Variants in TASOR observed in about 807,000 individuals in gnomAD.
TASOR encodes the protein protein TASOR.
A neutral mutation model predicts 178.6 loss-of-function variants in TASOR; 53 were observed. The observed-to-expected ratio is 0.30, with a 90% CI of 0.24 to 0.37. The LOEUF (loss-of-function observed/expected upper bound fraction) is 0.37. Ranked by LOEUF, TASOR falls within the 10% of genes least tolerant of loss-of-function variation. TASOR has a pLI of 1.00. For missense variants in TASOR, 1,815 were observed against 1,971.4 expected (o/e 0.92, Z 1.50); for synonymous variants, 713 against 696.2 (o/e 1.02, Z -0.38).
intron 5 of TASOR, among the ~76,000 whole-genome samples, 157 bp downstream of exon 5, chr3:56,669,543 A>G (rs1479475431): frequency 2.0e-5 from 3 of 152,150 alleles, no homozygotes; most frequent in Admixed American, 2.0e-4. Context: ...CACACACAAA[A>G]AAAGATGGCA....
At chr3:56,674,224 A>AG (rs1183984513) in intron 1 of TASOR, among the ~76,000 whole-genome samples, 83 of 138,696 alleles carry the variant, frequency 6.0e-4, no homozygotes, top group African/African-American at 9.2e-4. Context: ...AAAAAAAAAA[A>AG]GCTTGGTGGC....
chr3:56,676,468 CTG>C (rs1297797113), intron 1 of TASOR, among the ~76,000 whole-genome samples: 1 of 152,170 alleles, frequency 6.6e-6, no homozygotes. Context: ...CCCAATTAAA[CTG>C]TGAAAAACTT....
intron 14 of TASOR, among the ~76,000 whole-genome samples, chr3:56,646,205 T>A (rs953650172): frequency 1.3e-5 from 2 of 152,186 alleles, no homozygotes; most frequent in Admixed American, 6.5e-5. Context: ...TTATGTCATG[T>A]TAACCTAAAC....
At chr3:56,631,658 A>G (rs1452990373) in intron 18 of TASOR, among the ~76,000 whole-genome samples, 3 of 145,680 alleles carry the variant, frequency 2.1e-5, no homozygotes, top group Admixed American at 1.4e-4. Context: ...ATCTCGGCTC[A>G]CTGCAAGCTC....
chr3:56,623,660 G>C (rs1372442507), intron 23 of TASOR, 94 bp from the exon 24 acceptor site: 35 of 1,542,616 alleles, frequency 2.3e-5, no homozygotes, highest in Non-Finnish European at 3.0e-5. Context: ...TAACGCGTCA[G>C]GGTCTGCAAG....
In TASOR at chr3:56,647,232, A is replaced by C; in HGVS notation, c.1514-9T>G. On this transcript the variant is annotated splice_polypyrimidine_tract_variant and intron_variant, in intron 13 of 23. Coordinates refer to ENST00000683822, the MANE Select transcript of TASOR (RefSeq NM_001365635.2). ...GGTTGAACCTTTTTGTGCTGTAAAT[A>C]AAACAAACAAACAAAAAAGCAAACC... 6.6e-7 allele frequency: 1 copy of C among 1,515,816 alleles called. No homozygotes were observed. Among genetic ancestry groups the C allele is most frequent in the Non-Finnish European group, 8.8e-7 (1 of 1,138,864 alleles). 93.9% of individuals were successfully genotyped at this position (1,515,816 alleles called of 1,614,324 possible).
Position 56,621,633 on chromosome 3 carries a change from A to T in TASOR, c.*1404T>A, listed in dbSNP as rs781231762. 1.2e-5 allele frequency: 18 copies of T among 1,547,102 alleles called. No individual in the cohort carries two copies. The highest frequency in any genetic ancestry group is 8.2e-5 in the African/African-American group (6 of 72,952). ...CTTCATTTTAAATGTAGAAAATCAA[A>T]TCCTTCACATTTGATTTGTGTCTTC... On this transcript the variant is annotated 3_prime_UTR_variant, in exon 24 of 24. Transcript: ENST00000683822.
At chr3:56,659,389 C>T (rs1286718760) in intron 11 of TASOR, among the ~76,000 whole-genome samples, 1 of 152,194 alleles carries the variant, frequency 6.6e-6, no homozygotes, top group Non-Finnish European at 1.5e-5. Context: ...CTCCAACCAC[C>T]TCCTCGCCTT....
At chr3:56,655,561 G>GT (rs1342856873) in intron 11 of TASOR, among the ~76,000 whole-genome samples, 1 of 152,022 alleles carries the variant, frequency 6.6e-6, no homozygotes, top group Non-Finnish European at 1.5e-5. Flanking sequence ...AAGGCCAGGA[G>GT]TTTGAGACAA....
At chr3:56,673,782 C>T (rs2030987864) in intron 1 of TASOR, 57 bp from the exon 2 acceptor site, 9 of 1,390,646 alleles carry the variant, frequency 6.5e-6, no homozygotes, top group Non-Finnish European at 8.6e-6. Flanking sequence ...TTAAATATAG[C>T]TTTTTATATT....
chr3:56,653,618 A>G (rs935291953), intron 11 of TASOR, among the ~76,000 whole-genome samples: 2 of 152,144 alleles, frequency 1.3e-5, no homozygotes, highest in African/African-American at 4.8e-5. Context: ...CCCAGCACCC[A>G]ATGATTATAG....
At chr3:56,623,900 G>T (rs1578177836) in intron 23 of TASOR, 1 of 1,403,904 alleles carries the variant, frequency 7.1e-7, no homozygotes, top group East Asian at 2.5e-5. Flanking sequence ...AAAATTTTTT[G>T]ACATCTAGCT....
chr3:56,631,444 G>T (rs1444401771), intron 18 of TASOR, among the ~76,000 whole-genome samples: 1 of 152,082 alleles, frequency 6.6e-6, no homozygotes, highest in Non-Finnish European at 1.5e-5. Context: ...CATAATTTAT[G>T]ATTAATTTTA....
At chr3:56,681,052 A>G (rs2031738566) in intron 1 of TASOR, among the ~76,000 whole-genome samples, 1 of 151,208 alleles carries the variant, frequency 6.6e-6, no homozygotes, top group Non-Finnish European at 1.5e-5. Context: ...AATTTTGAAG[A>G]GTTTCTAGGC....
Position 56,621,715 on chromosome 3 carries a change from CTTAT to C in TASOR, c.*1318_*1321del, listed in dbSNP as rs2076660837. On this transcript the variant is annotated 3_prime_UTR_variant, in exon 24 of 24. Transcript: ENST00000683822. ...GTATTTTTCAAATAGCCTAGATTTA[CTTAT>C]TTTTTTAAATGCTCATTAAAAACTT... The C allele has an allele frequency of 2.8e-6, 2 of 724,914 alleles. No individual in the cohort carries two copies. The highest frequency in any genetic ancestry group is 4.3e-6 in the Non-Finnish European group (2 of 462,754). 44.9% of individuals were successfully genotyped at this position (724,914 alleles called of 1,614,324 possible).
chr3:56,656,754 G>A (rs1296429198), intron 11 of TASOR, among the ~76,000 whole-genome samples: 1 of 152,062 alleles, frequency 6.6e-6, no homozygotes, highest in African/African-American at 2.4e-5. Flanking sequence ...GCTCACACCT[G>A]TAATCCCAGC....
chr3:56,659,859 T>C (rs537866589), intron 11 of TASOR, among the ~76,000 whole-genome samples: 21 of 152,172 alleles, frequency 1.4e-4, no homozygotes, highest in East Asian at 5.8e-4. Flanking sequence ...ACTGAGTTTA[T>C]TGTTCTTGGA....
rs1238749376 is a variant in TASOR at position 56,647,033 on chromosome 3, T to C, written c.1704A>G (p.Ser568=). The C allele has an allele frequency of 6.2e-7, 1 of 1,603,242 alleles. No homozygotes were observed. Among genetic ancestry groups the C allele is most frequent in the Non-Finnish European group, 8.5e-7 (1 of 1,177,346 alleles). ...GAAACATAATAAACTCTCGTTTACCTGAACCAAAACCTCGCTTAAAAAATT... is the reference window on the plus strand; with the variant it reads ...GAAACATAATAAACTCTCGTTTACCCGAACCAAAACCTCGCTTAAAAAATT... ...VSEFFKRGFG[S]GKREFIMFPY... The change falls in exon 14 of 24, where the codon TCA becomes TCG. Residue 568 remains serine (S), a synonymous_variant. Transcript: ENST00000683822.
In TASOR at chr3:56,669,717, TAA is replaced by T. The variant is rs1559850661; in HGVS notation, c.716_717del (p.Val239AspfsTer3). ...PLDTGAMGDV[V>X]IFKIMKGKIK... The stretch of plus-strand genomic sequence containing the variant: ...TAAATTACCTTCATTATTTTAAAAA[TAA>T]CAACATCACCCATTGCCCCCGTGTC... On this transcript the variant is annotated frameshift_variant, in exon 5 of 24. Coordinates refer to ENST00000683822, the MANE Select transcript of TASOR (RefSeq NM_001365635.2). LOFTEE classifies it high-confidence loss of function. The T allele has an allele frequency of 1.3e-6, 2 of 1,545,146 alleles. No homozygotes were observed. Among genetic ancestry groups the T allele is most frequent in the Admixed American group, 4.0e-5 (2 of 50,184 alleles).
Sources: gnomAD v4.1 joint callset for allele counts (sites outside exome capture counted in the v4.1 genomes callset) on GRCh38, gnomAD v4.1.1 for gene constraint, MANE v1.5 for transcripts, NCBI Gene and HGNC (gene_info 2026-07-23, HGNC 2026-07-21) for gene names.